ANKRD27: variants seen among roughly 807,000 people sequenced by gnomAD.
ANKRD27 encodes the protein ankyrin repeat domain-containing protein 27.
A neutral mutation model predicts 129.7 loss-of-function variants in ANKRD27; 112 were observed. The ratio of observed to expected loss-of-function variants is 0.86; its 90% CI spans 0.74 to 1.01. The LOEUF (loss-of-function observed/expected upper bound fraction) is 1.01. Among genes scored for constraint, ANKRD27 ranks in the 50% least tolerant of loss-of-function variants. The pLI, the probability that ANKRD27 is intolerant of heterozygous loss-of-function variation, is 0.00. For synonymous variants in ANKRD27, 516 were observed against 511.2 expected (o/e 1.01, Z -0.13); for missense variants, 1,258 against 1,300.5 (o/e 0.97, Z 0.50).
rs1967628154 is a variant in ANKRD27 at position 32,660,726 on chromosome 19, G to A, written c.-30-1681C>T. On this transcript the variant is annotated intron_variant, in intron 1 of 28. Transcript: ENST00000306065. ...TCTATTACAGCAGCCTGCATGGGCT[G>A]AGATAGTCTATGAGTATAAAGCCAT... is the stretch of plus-strand genomic sequence containing the variant. Among the ~76,000 whole-genome samples, 5 of 112,048 alleles carry A rather than the reference G, an allele frequency of 4.5e-5. No individual in the cohort carries two copies. The South Asian group carries it at 1.3e-3, about 30-fold the overall frequency. 73.5% of individuals were successfully genotyped at this position (112,048 alleles called of 152,430 possible). A position where few individuals can be genotyped will look rare whatever the true frequency, so the allele number is the denominator to read the frequency against.
intron 1 of ANKRD27, among the ~76,000 whole-genome samples, chr19:32,668,029 C>G (rs1967794041): frequency 6.6e-6 from 1 of 152,198 alleles, no homozygotes; most frequent in Non-Finnish European, 1.5e-5. Flanking sequence ...TGGGAAAACA[C>G]TATGCATACA....
At chr19:32,606,599 A>G (rs1971742492) in intron 23 of ANKRD27, among the ~76,000 whole-genome samples, 1 of 152,238 alleles carries the variant, frequency 6.6e-6, no homozygotes, top group Admixed American at 6.5e-5. Flanking sequence ...GTGCTGGGCG[A>G]CAGTGATCTC....
rs747202077 is a variant in ANKRD27, at chr19:32,643,431, C to A, written c.639G>T (p.Glu213Asp). The change falls in exon 7 of 29, where the codon GAG becomes GAT. Residue 213 changes from glutamate to aspartate, a missense_variant and splice_region_variant. By Grantham distance (45) the Glu-to-Asp change is conservative. Coordinates refer to ENST00000306065, the MANE Select transcript of ANKRD27 (RefSeq NM_032139.3). Reference sequence around the variant, plus strand: ...CCCAGCCACTCCGCCCCACCCTCACCTCCACTGCCTGCTTCATCAGGTTCA... The same window carrying A: ...CCCAGCCACTCCGCCCCACCCTCACATCCACTGCCTGCTTCATCAGGTTCA... ...AQMNLMKQAV[E>D]IYVHHEIYNL... 2 of 1,613,956 alleles carry A rather than the reference C, an allele frequency of 1.2e-6. No homozygotes were observed. Among genetic ancestry groups the A allele is most frequent in the Non-Finnish European group, 8.5e-7 (1 of 1,180,030 alleles).
At position 32,665,829 on chromosome 19, in the gene ANKRD27, T is replaced by C. The variant is rs531574168; in HGVS notation, c.-30-6784A>G. Among the ~76,000 whole-genome samples the C allele has an allele frequency of 1.2e-4, 19 of 152,090 alleles. No individual in the cohort carries two copies. In the South Asian group the frequency reaches 3.5e-3, roughly 28 times the overall value. ...CAGGCTGGAGTACAGTGGCGCAATA[T>C]TGGCTCACTGCAACCTCTGCTTCCT... On this transcript the variant is annotated intron_variant, in intron 1 of 28. Transcript: ENST00000306065.
chr19:32,603,363 G>A (rs1005788705), intron 25 of ANKRD27, among the ~76,000 whole-genome samples: 2 of 152,132 alleles, frequency 1.3e-5, no homozygotes, highest in African/African-American at 4.8e-5. Flanking sequence ...TCACTTAACA[G>A]CCTACTCGCT....
At chr19:32,628,907 T>C (rs951890367) in intron 13 of ANKRD27, 58 bp from the exon 14 acceptor site, 84 of 1,596,862 alleles carry the variant, frequency 5.3e-5, no homozygotes, top group Non-Finnish European at 6.8e-5. Flanking sequence ...TTATTAGGAG[T>C]AAATTTTTTG....
chr19:32,627,684 C>T (rs1349776068), intron 15 of ANKRD27, among the ~76,000 whole-genome samples: 1 of 152,184 alleles, frequency 6.6e-6, no homozygotes, highest in Admixed American at 6.5e-5. Flanking sequence ...AGGCATGAGC[C>T]ACCATGCCCA....
At chr19:32,608,306 T>C in intron 22 of ANKRD27, 1 of 246,586 alleles carries the variant, frequency 4.1e-6, no homozygotes, top group East Asian at 1.1e-4. Context: ...CCACTGTACC[T>C]GGCTAATTTC....
chr19:32,641,891 C>T, intron 10 of ANKRD27, 133 bp downstream of exon 10: 3 of 1,145,450 alleles, frequency 2.6e-6, no homozygotes, highest in Non-Finnish European at 3.5e-6. Flanking sequence ...CCTTGGCCTC[C>T]CAAAGCACTG....
chr19:32,607,144 T>TAA (rs34734065), intron 23 of ANKRD27, among the ~76,000 whole-genome samples: 12 of 94,344 alleles, frequency 1.3e-4, no homozygotes, highest in East Asian at 7.3e-4. Flanking sequence ...GGTGATGTCT[T>TAA]AAAAAAAAAA....
intron 12 of ANKRD27, among the ~76,000 whole-genome samples, chr19:32,632,681 C>A (rs1967018365): frequency 6.6e-6 from 1 of 151,832 alleles, no homozygotes; most frequent in Admixed American, 6.6e-5. Flanking sequence ...TCCTTGAGCA[C>A]CTGCAACCAA....
intron 2 of ANKRD27, among the ~76,000 whole-genome samples, chr19:32,654,200 A>G (rs259245): frequency 0.66 from 99,686 of 151,618 alleles, 32,952 homozygotes; most frequent in South Asian, 0.68. Context: ...ATGCCTGGCC[A>G]AGACATGTTT....
intron 2 of ANKRD27, among the ~76,000 whole-genome samples, chr19:32,653,206 A>C (rs1967453209): frequency 6.6e-6 from 1 of 152,042 alleles, no homozygotes; most frequent in African/African-American, 2.4e-5. Flanking sequence ...CATCTATACT[A>C]AATAAATTCT....
chr19:32,613,712 T>C (rs1971867564), intron 22 of ANKRD27, among the ~76,000 whole-genome samples: 1 of 149,870 alleles, frequency 6.7e-6, no homozygotes, highest in African/African-American at 2.5e-5. Flanking sequence ...GTAACTTTTT[T>C]TTTTTTTTTT....
chr19:32,650,899 C>T (rs1444174970), intron 2 of ANKRD27, among the ~76,000 whole-genome samples: 3 of 134,008 alleles, frequency 2.2e-5, no homozygotes, highest in South Asian at 2.5e-4. Flanking sequence ...CAGGTGCACA[C>T]AACCATGACC....
intron 1 of ANKRD27, 57 bp from the exon 2 acceptor site, chr19:32,659,102 G>C (rs1448248146): frequency 1.3e-6 from 1 of 789,340 alleles, no homozygotes; most frequent in Non-Finnish European, 2.2e-6. Flanking sequence ...CGTAACACAT[G>C]AAAGTCTGCA....
intron 18 of ANKRD27, 80 bp downstream of exon 18, chr19:32,622,342 G>T (rs1972022784): frequency 6.7e-7 from 1 of 1,487,072 alleles, no homozygotes; most frequent in Non-Finnish European, 9.3e-7. Flanking sequence ...TGCACAATTT[G>T]TCTAGTAGGC....
intron 1 of ANKRD27, among the ~76,000 whole-genome samples, chr19:32,671,132 A>G (rs1967862311): frequency 6.6e-6 from 1 of 152,060 alleles, no homozygotes; most frequent in Non-Finnish European, 1.5e-5. Flanking sequence ...CTGTCTCTAC[A>G]GGAAAATCAA....
Position 32,626,822 on chromosome 19 carries a change from C to T in ANKRD27, c.1426G>A (p.Ala476Thr), listed in dbSNP as rs752535506. 5 of 1,607,478 alleles carry T rather than the reference C, an allele frequency of 3.1e-6. No individual in the cohort carries two copies. Among genetic ancestry groups the T allele is most frequent in the Middle Eastern group, 1.6e-4 (1 of 6,074 alleles). Residue 476 changes from alanine (A) to threonine (T), a missense_variant, in exon 16 of 29, where the codon GCA becomes ACA. Transcript: ENST00000306065. ...GAAACCAGGAGGTCGATGAGGGATGCCTGCCCTGCAGAGCAGAAGGACGTC... is the reference window on the plus strand; with the variant it reads ...GAAACCAGGAGGTCGATGAGGGATGTCTGCCCTGCAGAGCAGAAGGACGTC... The part of the protein sequence containing the change: ...PLHVAAVCGQ[A>T]SLIDLLVSKG...
Sources: allele counts gnomAD v4.1 joint callset (sites outside exome capture counted in the v4.1 genomes callset), GRCh38; gene constraint gnomAD v4.1.1; transcripts MANE v1.5; gene names NCBI Gene and HGNC (gene_info 2026-07-23, HGNC 2026-07-21).